Variants in HDAC9 observed in about 807,000 individuals in gnomAD.
The protein encoded by HDAC9 is histone deacetylase 9.
A neutral mutation model predicts 139.4 loss-of-function variants in HDAC9; 41 were observed. The ratio of observed to expected loss-of-function variants is 0.29; its 90% CI spans 0.23 to 0.38. The LOEUF is 0.38. HDAC9 is among the 10% of genes least tolerant of loss of function. HDAC9 has a pLI of 1.00. For missense variants in HDAC9, 1,147 were observed against 1,297.0 expected (o/e 0.88, Z 1.78); for synonymous variants, 517 against 476.2 (o/e 1.09, Z -1.12).
intron 2 of HDAC9, among the ~76,000 whole-genome samples, chr7:18,571,089 A>G (rs1351462637): frequency 6.6e-6 from 1 of 152,280 alleles, no homozygotes; most frequent in African/African-American, 2.4e-5. Flanking sequence ...ATGTGGCAAT[A>G]ACATAAATAT....
intron 1 of HDAC9, among the ~76,000 whole-genome samples, chr7:18,448,473 A>G (rs984620769): frequency 3.3e-5 from 5 of 152,202 alleles, no homozygotes; most frequent in African/African-American, 9.6e-5. Flanking sequence ...AAGATTTTAT[A>G]TATGTATGGT....
At chr7:18,353,645 T>G (rs1562908168) in intron 1 of HDAC9, among the ~76,000 whole-genome samples, 1 of 152,176 alleles carries the variant, frequency 6.6e-6, no homozygotes, top group Non-Finnish European at 1.5e-5. Flanking sequence ...ATCTTGGGTA[T>G]CAACAGCATA....
chr7:18,985,166 G>A (rs576303369), intron 25 of HDAC9, among the ~76,000 whole-genome samples: 128 of 152,134 alleles, frequency 8.4e-4, no homozygotes, highest in African/African-American at 2.7e-3. Flanking sequence ...CTGGTGCGCT[G>A]CACCCACTAA....
chr7:18,293,461 G>C (rs1409259470), intron 1 of HDAC9, among the ~76,000 whole-genome samples: 2 of 152,030 alleles, frequency 1.3e-5, no homozygotes, highest in Non-Finnish European at 2.9e-5. Context: ...TGAACAATGA[G>C]AACACATGGA....
At chr7:18,525,894 A>G (rs902132165) in intron 2 of HDAC9, among the ~76,000 whole-genome samples, 6 of 152,200 alleles carry the variant, frequency 3.9e-5, no homozygotes, top group African/African-American at 9.6e-5. Context: ...TTTCTGGCTT[A>G]CTTGACTCTT....
intron 12 of HDAC9, among the ~76,000 whole-genome samples, chr7:18,713,897 G>A (rs1241749512): frequency 6.6e-6 from 1 of 152,012 alleles, no homozygotes; most frequent in Non-Finnish European, 1.5e-5. Flanking sequence ...TGGTAATAGA[G>A]TCAATTTGAG....
chr7:18,601,883 G>T (rs1380423486), intron 6 of HDAC9, among the ~76,000 whole-genome samples: 1 of 152,124 alleles, frequency 6.6e-6, no homozygotes, highest in African/African-American at 2.4e-5. Flanking sequence ...TTTTGTGGAA[G>T]ATTTTAAAAT....
At chr7:18,331,295 A>G (rs976010580) in intron 1 of HDAC9, among the ~76,000 whole-genome samples, 7 of 151,664 alleles carry the variant, frequency 4.6e-5, no homozygotes, top group African/African-American at 1.7e-4. Flanking sequence ...CCTTTGCCTA[A>G]TTATCTTTTA....
chr7:18,549,042 A>G lies in HDAC9; in HGVS notation c.23-36239A>G, dbSNP rs146839463. On this transcript the variant is annotated intron_variant, in intron 2 of 25. Transcript: ENST00000686413. ...ATCGCGAGGTCAAGAGATCGAGACT[A>G]TCCTGACCAATATGGTGAAACCCCA... Among the ~76,000 whole-genome samples, 455 of 152,250 alleles carry G rather than the reference A, an allele frequency of 3.0e-3. 1 individual carries two copies. Among genetic ancestry groups the G allele is most frequent in the African/African-American group, 0.01 (424 of 41,556 alleles).
chr7:18,654,008 C>T (rs1790235758), intron 11 of HDAC9, among the ~76,000 whole-genome samples: 1 of 151,936 alleles, frequency 6.6e-6, no homozygotes, highest in Non-Finnish European at 1.5e-5. Context: ...TAATGTGTTG[C>T]CTTGTGAAGT....
intron 12 of HDAC9, among the ~76,000 whole-genome samples, chr7:18,717,916 TG>T (rs1784827653): frequency 6.6e-6 from 1 of 152,134 alleles, no homozygotes; most frequent in African/African-American, 2.4e-5. Flanking sequence ...TTTGAGATAG[TG>T]GGATAGAAAC....
At chr7:18,440,016 T>C (rs188509850) in intron 1 of HDAC9, among the ~76,000 whole-genome samples, 5 of 152,298 alleles carry the variant, frequency 3.3e-5, no homozygotes, top group Admixed American at 1.3e-4. Flanking sequence ...AATTCATCAT[T>C]GTACCCACTC....
rs1430395853 is a variant in HDAC9 at position 18,850,867 on chromosome 7, T to C, written c.2684+14870T>C. On this transcript the variant is annotated intron_variant, in intron 21 of 25. Transcript: ENST00000686413. ...GGCACCTTCTAGCTAAATCCTCACATGGTGGAAGGGTGAGGCAACTCTGTA... is the reference window on the plus strand; with the variant it reads ...GGCACCTTCTAGCTAAATCCTCACACGGTGGAAGGGTGAGGCAACTCTGTA... 3.3e-5 allele frequency among the ~76,000 whole-genome samples: 5 copies of C among 152,142 alleles called. No homozygotes were observed. The East Asian group carries it at 9.7e-4, about 29-fold the overall frequency.
chr7:18,130,242 G>A (rs930940314), intron 1 of HDAC9, among the ~76,000 whole-genome samples: 1 of 152,058 alleles, frequency 6.6e-6, no homozygotes, highest in African/African-American at 2.4e-5. Context: ...AGATTTTGGA[G>A]CATTTTGGAT....
chr7:18,520,900 C>G (rs1445040525), intron 2 of HDAC9, among the ~76,000 whole-genome samples: 2 of 152,136 alleles, frequency 1.3e-5, no homozygotes, highest in Non-Finnish European at 1.5e-5. Context: ...TTAAAATAAC[C>G]TGAAGAAATT....
chr7:18,590,871 C>T (rs1039865176), intron 4 of HDAC9, among the ~76,000 whole-genome samples: 1 of 152,120 alleles, frequency 6.6e-6, no homozygotes, highest in African/African-American at 2.4e-5. Flanking sequence ...AAAGCCTTGC[C>T]TCCATTTAGT....
chr7:18,834,007 A>G (rs1037242405), intron 19 of HDAC9, among the ~76,000 whole-genome samples: 3 of 152,174 alleles, frequency 2.0e-5, no homozygotes, highest in Non-Finnish European at 4.4e-5. Context: ...TAACTGTGTA[A>G]TTGTTAAGAG....
intron 2 of HDAC9, among the ~76,000 whole-genome samples, chr7:18,192,787 C>T (rs571758539): frequency 2.6e-5 from 4 of 152,188 alleles, no homozygotes; most frequent in Non-Finnish European, 4.4e-5. Flanking sequence ...CACGTTGTAA[C>T]ATTTAGTGTT....
chr7:18,991,188 G>T (rs1369014637), intron 25 of HDAC9, among the ~76,000 whole-genome samples: 1 of 152,304 alleles, frequency 6.6e-6, no homozygotes, highest in East Asian at 1.9e-4. Flanking sequence ...GTATTTATGG[G>T]ATGTCTAGTA....
Sources: gnomAD v4.1 joint callset for allele counts (sites outside exome capture counted in the v4.1 genomes callset) on GRCh38, gnomAD v4.1.1 for gene constraint, MANE v1.5 for transcripts, NCBI Gene and HGNC (gene_info 2026-07-23, HGNC 2026-07-21) for gene names.